The following RGS20 variants were observed in gnomAD, a reference collection of about 807,000 sequenced individuals.
RGS20 encodes the protein regulator of G protein signaling 20.
A neutral mutation model predicts 33.6 loss-of-function variants in RGS20; 30 were observed. The ratio of observed to expected loss-of-function variants is 0.89; its 90% CI spans 0.67 to 1.21. RGS20 has a LOEUF of 1.21. RGS20 is among the 50% of genes most tolerant of loss of function. The probability of loss-of-function intolerance (pLI) is 0.00; values close to 1 mark genes in which losing one functional copy is unlikely to be tolerated. For synonymous variants in RGS20, 208 were observed against 197.9 expected (o/e 1.05, Z -0.43); for missense variants, 472 against 502.4 (o/e 0.94, Z 0.58).
intron 2 of RGS20, among the ~76,000 whole-genome samples, chr8:53,905,730 G>A (rs1425954792): frequency 6.6e-6 from 1 of 152,174 alleles, no homozygotes; most frequent in Non-Finnish European, 1.5e-5. Flanking sequence ...TAAACCCAGG[G>A]AGAGTTTAGC....
chr8:53,886,262 A>G (rs1207536226), intron 2 of RGS20, among the ~76,000 whole-genome samples: 1 of 152,158 alleles, frequency 6.6e-6, no homozygotes, highest in Non-Finnish European at 1.5e-5. Context: ...GTCAGTTCAT[A>G]GTACAATTGA....
At chr8:53,954,427 G>C in intron 5 of RGS20, 117 bp downstream of exon 4, 2 of 657,532 alleles carry the variant, frequency 3.0e-6, no homozygotes, top group Non-Finnish European at 5.3e-6. Context: ...ACTTTGGGAG[G>C]CTGAGGCGGG....
chr8:53,943,276 T>C (rs1387758308), intron 3 of RGS20, among the ~76,000 whole-genome samples: 1 of 152,170 alleles, frequency 6.6e-6, no homozygotes, highest in African/African-American at 2.4e-5. Flanking sequence ...CATATTAATA[T>C]ACATAGTCAA....
chr8:53,950,925 T>C (rs1814694481), intron 4 of RGS20, among the ~76,000 whole-genome samples: 1 of 152,160 alleles, frequency 6.6e-6, no homozygotes, highest in Non-Finnish European at 1.5e-5. Context: ...TAATCTATAC[T>C]TCTTCCCCAT....
chr8:53,885,468 G>A (rs1264371958), intron 2 of RGS20, among the ~76,000 whole-genome samples: 1 of 152,148 alleles, frequency 6.6e-6, no homozygotes, highest in Non-Finnish European at 1.5e-5. Flanking sequence ...CAAAAAATTA[G>A]CTGGGCGTAT....
chr8:53,854,255 A>C (rs1160285618), intron 1 of RGS20, among the ~76,000 whole-genome samples: 1 of 152,200 alleles, frequency 6.6e-6, no homozygotes, highest in East Asian at 1.9e-4. Context: ...AATCTAAAAA[A>C]CTTTTGTCCT....
rs376101235 is a variant in RGS20, at chr8:53,921,628, G to A, written c.511-17948G>A. The stretch of plus-strand genomic sequence containing the variant: ...CCATTTCATCTAAGTTTTCTAATTA[G>A]TTGGCATACAGTTGTTCACAGTATT... On this transcript the variant is annotated intron_variant, in intron 2 of 5. Transcript: ENST00000297313. Among the ~76,000 whole-genome samples the A allele has an allele frequency of 4.7e-4, 72 of 151,706 alleles. 1 individual carries two copies. Among genetic ancestry groups the A allele is most frequent in the African/African-American group, 1.7e-3 (70 of 41,384 alleles).
chr8:53,955,510 G>A (rs977649687), intron 5 of RGS20, among the ~76,000 whole-genome samples: 2 of 152,092 alleles, frequency 1.3e-5, no homozygotes, highest in African/African-American at 4.8e-5. Flanking sequence ...CCACCTGTCA[G>A]TGTTTCAGTT....
intron 2 of RGS20, among the ~76,000 whole-genome samples, chr8:53,924,709 A>G (rs1017246304): frequency 6.6e-6 from 1 of 152,158 alleles, no homozygotes; most frequent in Admixed American, 6.5e-5. Context: ...ATCTCCATCT[A>G]GAAACATTAA....
intron 1 of RGS20, among the ~76,000 whole-genome samples, chr8:53,872,696 C>T (rs1812105649): frequency 1.3e-5 from 2 of 152,154 alleles, no homozygotes; most frequent in Non-Finnish European, 2.9e-5. Flanking sequence ...CTTACAAGCA[C>T]TTTGAGTGGC....
At chr8:53,888,655 C>T (rs1217828468) in intron 2 of RGS20, among the ~76,000 whole-genome samples, 3 of 152,158 alleles carry the variant, frequency 2.0e-5, no homozygotes, top group Non-Finnish European at 4.4e-5. Flanking sequence ...TCACTCACCA[C>T]GGCTCTAGAT....
chr8:53,895,995 A>G (rs1270449333), intron 2 of RGS20, among the ~76,000 whole-genome samples: 1 of 151,926 alleles, frequency 6.6e-6, no homozygotes, highest in Non-Finnish European at 1.5e-5. Flanking sequence ...AGTGAGAAGA[A>G]TAAGGCCAGA....
chr8:53,880,878 A>AG (rs1812346012), intron 2 of RGS20: 2 of 1,458,766 alleles, frequency 1.4e-6, no homozygotes, highest in Admixed American at 4.7e-5. Context: ...AGGCAGAGCA[A>AG]GGGGAGGAAG....
chr8:53,907,468 C>T (rs941638774), intron 2 of RGS20, among the ~76,000 whole-genome samples: 3 of 151,976 alleles, frequency 2.0e-5, no homozygotes, highest in Admixed American at 1.3e-4. Flanking sequence ...CCTGTAATCC[C>T]AGCTACTCAG....
At chr8:53,902,906 A>T (rs1164048909) in intron 2 of RGS20, among the ~76,000 whole-genome samples, 1 of 152,122 alleles carries the variant, frequency 6.6e-6, no homozygotes, top group African/African-American at 2.4e-5. Flanking sequence ...CTGTATTTTT[A>T]GTAGAGACAG....
chr8:53,924,915 G>GT (rs1283590148), intron 2 of RGS20, among the ~76,000 whole-genome samples: 2 of 152,196 alleles, frequency 1.3e-5, no homozygotes, highest in Non-Finnish European at 1.5e-5. Flanking sequence ...TACAGTTGGT[G>GT]TTTTTTATAA....
At chr8:53,891,084 C>G (rs1363207993) in intron 2 of RGS20, among the ~76,000 whole-genome samples, 1 of 152,140 alleles carries the variant, frequency 6.6e-6, no homozygotes, top group Non-Finnish European at 1.5e-5. Flanking sequence ...TGAGGAAGTC[C>G]TTGTTACTGA....
intron 2 of RGS20, among the ~76,000 whole-genome samples, chr8:53,923,618 C>T (rs1289300035): frequency 6.6e-6 from 1 of 151,876 alleles, no homozygotes; most frequent in Non-Finnish European, 1.5e-5. Context: ...TTTCCAGAGA[C>T]TTTAAATGAT....
rs1160850300 is a variant in RGS20 at position 53,916,708 on chromosome 8, G to A, written c.511-22868G>A. ...CTTTGTAAAGAGAGAGACTTTCTGA[G>A]TGTCTAGTCAATTCATGTTGCTATA... is the stretch of plus-strand genomic sequence containing the variant. On this transcript the variant is annotated intron_variant, in intron 2 of 5. Coordinates refer to ENST00000297313, the MANE Select transcript of RGS20 (RefSeq NM_170587.4). Among the ~76,000 whole-genome samples, 4 of 152,152 alleles carry A rather than the reference G, an allele frequency of 2.6e-5. No homozygotes were observed. In the East Asian group the frequency reaches 7.7e-4, roughly 29 times the overall value.
Sources: allele counts gnomAD v4.1 joint callset (sites outside exome capture counted in the v4.1 genomes callset), GRCh38; gene constraint gnomAD v4.1.1; transcripts MANE v1.5; gene names NCBI Gene and HGNC (gene_info 2026-07-23, HGNC 2026-07-21).